Variants in STOX2 observed in about 807,000 individuals in gnomAD.
The protein encoded by STOX2 is storkhead-box protein 2.
STOX2 carries 28 observed loss-of-function variants against 60.9 expected under a neutral mutation model. The ratio of observed to expected loss-of-function variants is 0.46; its 90% CI spans 0.34 to 0.63. The LOEUF is 0.63. Ranked by LOEUF, STOX2 falls within the 30% of genes least tolerant of loss-of-function variation. The pLI, the probability that STOX2 is intolerant of heterozygous loss-of-function variation, is 0.01. For synonymous variants in STOX2, 472 were observed against 463.9 expected (o/e 1.02, Z -0.22); for missense variants, 1,024 against 1,187.7 (o/e 0.86, Z 2.03).
At chr4:183,897,526 C>A (rs1220049234) in intron 1 of STOX2, among the ~76,000 whole-genome samples, 1 of 152,198 alleles carries the variant, frequency 6.6e-6, no homozygotes, top group Non-Finnish European at 1.5e-5. Context: ...GAGCTGGACA[C>A]TGAGGTCATG....
chr4:183,890,941 C>G (rs1179277976), intron 1 of STOX2, among the ~76,000 whole-genome samples: 1 of 151,960 alleles, frequency 6.6e-6, no homozygotes, highest in Non-Finnish European at 1.5e-5. Flanking sequence ...GACCCCATCT[C>G]TACAAAAAAA....
At chr4:183,827,898 GA>G (rs1579309554) in intron 1 of STOX2, among the ~76,000 whole-genome samples, 2 of 146,698 alleles carry the variant, frequency 1.4e-5, no homozygotes, top group Admixed American at 6.8e-5. Context: ...AAAAAAGAAA[GA>G]AAAAAAGACG....
Position 184,018,807 on chromosome 4 carries a change from A to T in STOX2, c.*1523A>T, listed in dbSNP as rs1356071600. The T allele has an allele frequency of 1.3e-5, 2 of 152,224 alleles. No individual in the cohort carries two copies. Among genetic ancestry groups the T allele is most frequent in the Non-Finnish European group, 1.5e-5 (1 of 68,042 alleles). 9.4% of individuals were successfully genotyped at this position (152,224 alleles called of 1,614,324 possible). A position where few individuals can be genotyped will look rare whatever the true frequency, so the allele number is the denominator to read the frequency against. On this transcript the variant is annotated 3_prime_UTR_variant, in exon 4 of 4. Coordinates refer to ENST00000308497, the MANE Select transcript of STOX2 (RefSeq NM_020225.3). Reference sequence around the variant, plus strand: ...TTATTTTCTGAGAACAGTGGGACAGATCTGTAGTAATGGAATATTATTTGC... The same window carrying T: ...TTATTTTCTGAGAACAGTGGGACAGTTCTGTAGTAATGGAATATTATTTGC...
chr4:183,818,869 G>A (rs993637372), intron 1 of STOX2, among the ~76,000 whole-genome samples: 62 of 152,196 alleles, frequency 4.1e-4, no homozygotes, highest in African/African-American at 1.4e-3. Flanking sequence ...CATCCCAGAC[G>A]GGGTGGTGGG....
intron 1 of STOX2, among the ~76,000 whole-genome samples, chr4:183,894,093 G>T (rs938276908): frequency 5.9e-5 from 9 of 152,236 alleles, no homozygotes; most frequent in African/African-American, 1.7e-4. Context: ...CAATGCTGCA[G>T]TGAGCGGTGA....
At position 183,825,602 on chromosome 4, in the gene STOX2, C is replaced by T. The variant is rs969375169; in HGVS notation, c.364+27547C>T. Among the ~76,000 whole-genome samples the T allele has an allele frequency of 2.6e-5, 4 of 152,208 alleles. No homozygotes were observed. Among genetic ancestry groups the T allele is most frequent in the Non-Finnish European group, 4.4e-5 (3 of 68,034 alleles). ...CCAACGTGGGTGCAGCGCCCGACCC[C>T]TCCCTGCCCGTCCTCTGTGTCCCAG... On this transcript the variant is annotated intron_variant, in intron 1 of 2. Coordinates refer to the STOX2 transcript ENST00000513034. The surrounding 1 kb of genome is among the most constrained non-coding windows in gnomAD (Gnocchi z 4.1).
chr4:183,966,192 G>A (rs1038153300), intron 1 of STOX2, among the ~76,000 whole-genome samples: 5 of 152,184 alleles, frequency 3.3e-5, no homozygotes, highest in Non-Finnish European at 5.9e-5. Context: ...TGCCTGAGAC[G>A]GTGGGTGGGC....
At chr4:183,961,616 T>C (rs1292125933) in intron 1 of STOX2, among the ~76,000 whole-genome samples, 1 of 152,254 alleles carries the variant, frequency 6.6e-6, no homozygotes. Flanking sequence ...CTAAATCTTA[T>C]TGTGTTACAT....
chr4:183,844,083 A>C (rs1739931309), intron 1 of STOX2, among the ~76,000 whole-genome samples: 1 of 152,254 alleles, frequency 6.6e-6, no homozygotes, highest in Non-Finnish European at 1.5e-5. Context: ...GTTTCTTAAA[A>C]AAACAAAATT....
chr4:183,803,531 T>C (rs1377263575), intron 1 of STOX2, among the ~76,000 whole-genome samples: 3 of 152,244 alleles, frequency 2.0e-5, no homozygotes, highest in Non-Finnish European at 4.4e-5. Context: ...TTTTAAATTG[T>C]AGATATTGAT....
chr4:183,989,969 T>G (rs1733027337), intron 1 of STOX2, among the ~76,000 whole-genome samples: 1 of 152,210 alleles, frequency 6.6e-6, no homozygotes, highest in Non-Finnish European at 1.5e-5. Context: ...AAGGCAGATG[T>G]TCAAGACCCC....
intron 1 of STOX2, among the ~76,000 whole-genome samples, chr4:183,828,045 C>G (rs575214272): frequency 2.6e-5 from 4 of 152,204 alleles, no homozygotes; most frequent in African/African-American, 9.6e-5. Context: ...TTTTACAGTT[C>G]ATTTGTTCAA....
intron 1 of STOX2, among the ~76,000 whole-genome samples, chr4:183,801,144 T>A (rs1348666761): frequency 6.6e-6 from 1 of 152,220 alleles, no homozygotes; most frequent in African/African-American, 2.4e-5. Context: ...ATTACTGGAT[T>A]CAACAAGAAG....
chr4:183,853,225 G>A (rs1740206712), intron 1 of STOX2, among the ~76,000 whole-genome samples: 1 of 152,226 alleles, frequency 6.6e-6, no homozygotes. Flanking sequence ...AATGCCGAAA[G>A]GAGATTGTCT....
rs1734647212 is a variant in STOX2, at chr4:184,022,957, G to A, written c.*5673G>A. The stretch of plus-strand genomic sequence containing the variant: ...TAAAGTCCTTAGAGCAGTTGACACA[G>A]ATACTACGTTCTAGAAGAGAATTAA... On this transcript the variant is annotated 3_prime_UTR_variant, in exon 4 of 4. Transcript: ENST00000308497. 1 of 152,330 alleles carries A rather than the reference G, an allele frequency of 6.6e-6. No homozygotes were observed. Among genetic ancestry groups the A allele is most frequent in the South Asian group, 2.1e-4 (1 of 4,824 alleles). The allele number at this position is 152,330 out of a possible 1,614,324, so 9.4% of individuals were successfully genotyped here.
chr4:183,833,906 C>T (rs1376233667), intron 1 of STOX2, among the ~76,000 whole-genome samples: 3 of 139,828 alleles, frequency 2.1e-5, no homozygotes, highest in African/African-American at 5.3e-5. Context: ...GGCGTGAACC[C>T]GGGAGGCGGA....
In STOX2 at chr4:184,011,342, A is replaced by G; in HGVS notation, c.2504A>G (p.Asn835Ser). 6.2e-7 allele frequency: 1 copy of G among 1,614,008 alleles called. No individual in the cohort carries two copies. Among genetic ancestry groups the G allele is most frequent in the Non-Finnish European group, 8.5e-7 (1 of 1,179,890 alleles). ...CCAAAAGAAACCGACAGCAGCAGCA[A>G]CCAGAGAGCCACCCATTCAGCCCGG... ...LAPKETDSSS[N>S]QRATHSARLD... The change falls in exon 3 of 4, where the codon AAC (asparagine) becomes AGC (serine). Residue 835 changes from asparagine to serine, a missense_variant. Transcript: ENST00000308497. This position sits in a 1 kb window ranked among gnomAD's most constrained non-coding sequence, Gnocchi z 4.4.
chr4:183,888,298 C>T (rs1270071342), intron 1 of STOX2, among the ~76,000 whole-genome samples: 1 of 152,182 alleles, frequency 6.6e-6, no homozygotes, highest in East Asian at 1.9e-4. Flanking sequence ...AGGCATTGTT[C>T]TAAGCAGTTC....
At chr4:183,933,897 GAA>G (rs1190923426) in intron 1 of STOX2, among the ~76,000 whole-genome samples, 5 of 152,136 alleles carry the variant, frequency 3.3e-5, no homozygotes, top group Non-Finnish European at 4.4e-5. Flanking sequence ...TTAAATAGTG[GAA>G]AAATGGACAG....
Sources: gnomAD v4.1 joint callset for allele counts (sites outside exome capture counted in the v4.1 genomes callset) on GRCh38, gnomAD v4.1.1 for gene constraint, Gnocchi (gnomAD v3.1) non-coding constraint, MANE v1.5 for transcripts, NCBI Gene and HGNC (gene_info 2026-07-23, HGNC 2026-07-21) for gene names.